The following PLD5 variants were observed in gnomAD, a reference collection of about 807,000 sequenced individuals.
The protein encoded by PLD5 is phospholipase D family member 5, also known as inactive phospholipase D5.
A neutral mutation model predicts 61.1 loss-of-function variants in PLD5; 36 were observed. The observed-to-expected ratio is 0.59, with a 90% CI of 0.45 to 0.78. PLD5 has a LOEUF of 0.78. Ranked by LOEUF, PLD5 falls within the 30% of genes least tolerant of loss-of-function variation. PLD5 has a pLI of 0.00. For synonymous variants in PLD5, 243 were observed against 242.8 expected (o/e 1.00, Z -0.01); for missense variants, 515 against 644.4 (o/e 0.80, Z 2.17).
At chr1:242,221,427 T>C (rs1670580426) in intron 4 of PLD5, among the ~76,000 whole-genome samples, 1 of 152,238 alleles carries the variant, frequency 6.6e-6, no homozygotes, top group Admixed American at 6.5e-5. Context: ...CACATAAGAC[T>C]GTATGCAGAA....
intron 1 of PLD5, among the ~76,000 whole-genome samples, chr1:242,512,904 C>T (rs1335532955): frequency 1.3e-5 from 2 of 151,428 alleles, no homozygotes; most frequent in Non-Finnish European, 2.9e-5. Flanking sequence ...CAGGGTCTCA[C>T]TCTGTTGCCC....
chr1:242,476,054 A>C (rs180898505), intron 1 of PLD5, among the ~76,000 whole-genome samples: 90 of 152,336 alleles, frequency 5.9e-4, no homozygotes, highest in African/African-American at 1.9e-3. Context: ...ACTAATGCAC[A>C]TAAAACGCCT....
At chr1:242,206,881 G>C (rs567853062) in intron 5 of PLD5, among the ~76,000 whole-genome samples, 44 of 152,278 alleles carry the variant, frequency 2.9e-4, no homozygotes, top group African/African-American at 1.1e-3. Flanking sequence ...TCCATGCAGA[G>C]AAAGAGAGAT....
intron 5 of PLD5, among the ~76,000 whole-genome samples, chr1:242,136,410 T>C (rs2574674): frequency 0.68 from 103,479 of 152,012 alleles, 35,874 homozygotes; most frequent in African/African-American, 0.81. Context: ...AGACTGGTCG[T>C]ATTTTTCATT....
intron 1 of PLD5, among the ~76,000 whole-genome samples, chr1:242,396,696 C>T (rs569557784): frequency 3.5e-5 from 4 of 113,038 alleles, no homozygotes; most frequent in Non-Finnish European, 5.3e-5. Flanking sequence ...TTTTTTGAGA[C>T]GGAGTCTCAC....
chr1:242,444,726 A>AT (rs1558572542), intron 1 of PLD5, among the ~76,000 whole-genome samples: 21 of 62,626 alleles, frequency 3.4e-4, no homozygotes, highest in Admixed American at 6.9e-4. Flanking sequence ...AAAATAATAT[A>AT]TATATTATTT....
At chr1:242,365,069 T>C (rs1382495270) in intron 1 of PLD5, 5 of 151,578 alleles carry the variant, frequency 3.3e-5, no homozygotes, top group African/African-American at 9.7e-5. Context: ...AATAAAATAA[T>C]AAGGGGATGT....
At chr1:242,197,688 G>A (rs1304125073) in intron 5 of PLD5, among the ~76,000 whole-genome samples, 3 of 149,140 alleles carry the variant, frequency 2.0e-5, no homozygotes, top group Admixed American at 1.3e-4. Flanking sequence ...AGGCTGGAAT[G>A]CAATGATGCG....
intron 5 of PLD5, among the ~76,000 whole-genome samples, chr1:242,162,245 T>C (rs561340177): frequency 6.6e-6 from 1 of 152,308 alleles, no homozygotes; most frequent in South Asian, 2.1e-4. Flanking sequence ...TTTGTTGTTT[T>C]TATTCAATAG....
rs556856811 is a variant in PLD5, at chr1:242,524,310, G to A, written c.-34C>T. On this transcript the variant is annotated 5_prime_UTR_variant, in exon 1 of 10. Transcript: ENST00000536534. Reference sequence around the variant, plus strand: ...GACCGGGCGGCCGCCGGCGAGCAGCGGACTCGGGACGGGCGCGCGGGGAGC... The same window carrying A: ...GACCGGGCGGCCGCCGGCGAGCAGCAGACTCGGGACGGGCGCGCGGGGAGC... 1.7e-5 allele frequency: 24 copies of A among 1,377,412 alleles called. No homozygotes were observed. In the South Asian group the frequency reaches 3.7e-4, roughly 21 times the overall value. 85.3% of individuals were successfully genotyped at this position (1,377,412 alleles called of 1,614,324 possible). A position where few individuals can be genotyped will look rare whatever the true frequency, so the allele number is the denominator to read the frequency against.
At chr1:242,346,870 T>C (rs1268609948) in intron 2 of PLD5, among the ~76,000 whole-genome samples, 6 of 152,190 alleles carry the variant, frequency 3.9e-5, no homozygotes. Flanking sequence ...TGTGTTCTCA[T>C]CATTTAGCTC....
At chr1:242,327,615 A>G (rs1287928189) in intron 2 of PLD5, among the ~76,000 whole-genome samples, 1 of 152,232 alleles carries the variant, frequency 6.6e-6, no homozygotes, top group Non-Finnish European at 1.5e-5. Context: ...TGCATATTTC[A>G]AATTTACTAG....
chr1:242,127,663 G>T (rs998133169), intron 5 of PLD5, among the ~76,000 whole-genome samples: 6 of 152,156 alleles, frequency 3.9e-5, no homozygotes, highest in African/African-American at 1.4e-4. Context: ...AGACATGGGG[G>T]AAGGGAAGGG....
chr1:242,288,668 AT>A (rs1276657822), intron 2 of PLD5, 138 bp from the exon 3 acceptor site: 1 of 1,418,362 alleles, frequency 7.1e-7, no homozygotes, highest in African/African-American at 1.5e-5. Context: ...TAATTTACAT[AT>A]TTTTTCCACA....
intron 4 of PLD5, among the ~76,000 whole-genome samples, chr1:242,226,991 T>G (rs543907589): frequency 5.0e-4 from 76 of 152,238 alleles, no homozygotes; most frequent in Non-Finnish European, 1.0e-3. Flanking sequence ...TGAAAATTAA[T>G]GTTACTACTT....
chr1:242,163,278 G>A (rs946222905), intron 5 of PLD5, among the ~76,000 whole-genome samples: 8 of 151,856 alleles, frequency 5.3e-5, no homozygotes, highest in South Asian at 4.2e-4. Context: ...CGAGTAGCTG[G>A]GACTACAGGC....
At chr1:242,432,820 GA>G (rs924051502) in intron 1 of PLD5, among the ~76,000 whole-genome samples, 6 of 150,410 alleles carry the variant, frequency 4.0e-5, no homozygotes, top group African/African-American at 1.5e-4. Flanking sequence ...AAAACAAAAA[GA>G]AAAAAAAAGC....
chr1:242,144,599 G>A (rs1358574524), intron 5 of PLD5, among the ~76,000 whole-genome samples: 1 of 152,052 alleles, frequency 6.6e-6, no homozygotes, highest in Non-Finnish European at 1.5e-5. Context: ...TGGCCAACAT[G>A]GTGAAACCCC....
intron 5 of PLD5, among the ~76,000 whole-genome samples, chr1:242,207,213 G>T (rs1430332049): frequency 6.6e-6 from 1 of 152,162 alleles, no homozygotes; most frequent in African/African-American, 2.4e-5. Flanking sequence ...CCGGAGCCCA[G>T]CCAAGTTGAC....
Sources: gnomAD v4.1 joint callset for allele counts (sites outside exome capture counted in the v4.1 genomes callset) on GRCh38, gnomAD v4.1.1 for gene constraint, MANE v1.5 for transcripts, NCBI Gene and HGNC (gene_info 2026-07-23, HGNC 2026-07-21) for gene names.